The following ITGBL1 variants were observed in gnomAD, a reference collection of about 807,000 sequenced individuals.
The protein encoded by ITGBL1 is integrin beta-like protein 1.
Under a neutral mutation model 68.5 loss-of-function variants are expected in ITGBL1, and 51 were observed. That is an observed-to-expected ratio of 0.74 (90% CI 0.59 to 0.94). The LOEUF (loss-of-function observed/expected upper bound fraction) is 0.94. ITGBL1 is among the 40% of genes least tolerant of loss of function. The pLI is 0.00. For synonymous variants in ITGBL1, 209 were observed against 227.3 expected, an observed-to-expected ratio of 0.92 and a Z score of 0.72; for missense variants, 649 against 647.4, an observed-to-expected ratio of 1.00 and a Z score of -0.03.
intron 8 of ITGBL1, among the ~76,000 whole-genome samples, chr13:101,693,414 A>T (rs2033926606): frequency 6.6e-6 from 1 of 152,208 alleles, no homozygotes; most frequent in Non-Finnish European, 1.5e-5. Context: ...AAATAATTAT[A>T]TCCCTTTATT....
At chr13:101,526,923 A>T (rs558082281) in intron 2 of ITGBL1, among the ~76,000 whole-genome samples, 1 of 152,088 alleles carries the variant, frequency 6.6e-6, no homozygotes, top group Admixed American at 6.6e-5. Flanking sequence ...ACATAATGCC[A>T]TAATCACACC....
At chr13:101,540,410 A>G (rs1430653857) in intron 2 of ITGBL1, among the ~76,000 whole-genome samples, 2 of 152,054 alleles carry the variant, frequency 1.3e-5, no homozygotes, top group South Asian at 4.1e-4. Flanking sequence ...CCATTGGTCT[A>G]TATCTCTGTT....
downstream of ITGBL1, chr13:101,720,075 T>C (rs2034875251): frequency 6.6e-6 from 1 of 152,176 alleles, no homozygotes. Flanking sequence ...AAATATTTTA[T>C]TCAATATGTT....
intron 7 of ITGBL1, among the ~76,000 whole-genome samples, chr13:101,642,334 T>C (rs1191505050): frequency 6.6e-6 from 1 of 152,274 alleles, no homozygotes; most frequent in Non-Finnish European, 1.5e-5. Flanking sequence ...CATTTTTTCA[T>C]GTGCTTTTTG....
intron 2 of ITGBL1, among the ~76,000 whole-genome samples, chr13:101,455,470 C>G (rs985770588): frequency 6.6e-6 from 1 of 151,830 alleles, no homozygotes; most frequent in Non-Finnish European, 1.5e-5. Context: ...AGTTCAAGAC[C>G]AGCCTCGCCA....
intron 2 of ITGBL1, among the ~76,000 whole-genome samples, chr13:101,527,756 A>G (rs1213004704): frequency 6.6e-6 from 1 of 152,042 alleles, no homozygotes; most frequent in African/African-American, 2.4e-5. Context: ...AAATTTTACT[A>G]GTATCAAATT....
chr13:101,705,753 C>T (rs992158483), intron 8 of ITGBL1, among the ~76,000 whole-genome samples: 2 of 152,154 alleles, frequency 1.3e-5, no homozygotes, highest in Non-Finnish European at 2.9e-5. Flanking sequence ...AGCAAATGGT[C>T]AGGAGAGAAC....
chr13:101,596,080 C>T (rs1008726191), intron 6 of ITGBL1, among the ~76,000 whole-genome samples: 2 of 151,524 alleles, frequency 1.3e-5, no homozygotes, highest in Non-Finnish European at 2.9e-5. Flanking sequence ...TATATATACA[C>T]AAATACCCAG....
chr13:101,595,082 A>G (rs76505883), intron 6 of ITGBL1, among the ~76,000 whole-genome samples: 36 of 152,238 alleles, frequency 2.4e-4, no homozygotes, highest in African/African-American at 7.5e-4. Flanking sequence ...TCAAAAAAGT[A>G]AATAAATAAC....
At chr13:101,537,450 A>G (rs1055709343) in intron 2 of ITGBL1, among the ~76,000 whole-genome samples, 1 of 152,054 alleles carries the variant, frequency 6.6e-6, no homozygotes, top group Non-Finnish European at 1.5e-5. Flanking sequence ...TCAGTCATGA[A>G]GTCTGATGAT....
At chr13:101,516,056 T>C (rs1204579960) in intron 2 of ITGBL1, among the ~76,000 whole-genome samples, 1 of 152,088 alleles carries the variant, frequency 6.6e-6, no homozygotes, top group South Asian at 2.1e-4. Flanking sequence ...TCTGTTCCCC[T>C]TTTTTTATCC....
At chr13:101,551,649 C>T (rs1175419423) in intron 2 of ITGBL1, among the ~76,000 whole-genome samples, 1 of 152,156 alleles carries the variant, frequency 6.6e-6, no homozygotes, top group Admixed American at 6.5e-5. Context: ...CAAGAATTTC[C>T]TTTTCTAGAA....
chr13:101,706,661 G>T, intron 8 of ITGBL1, 95 bp from the exon 9 acceptor site: 1 of 1,259,272 alleles, frequency 7.9e-7, no homozygotes, highest in South Asian at 1.6e-5. Flanking sequence ...GATGGGAAAT[G>T]AGATCCTATG....
intron 8 of ITGBL1, among the ~76,000 whole-genome samples, chr13:101,705,162 G>A (rs1652945228): frequency 6.6e-6 from 1 of 151,800 alleles, no homozygotes; most frequent in African/African-American, 2.4e-5. Context: ...CTCCAGGGGA[G>A]CAACATATGC....
chr13:101,471,532 ATGTGTGTGTGTGTGTGTG>A (rs150659546), intron 2 of ITGBL1, among the ~76,000 whole-genome samples: 8,846 of 110,502 alleles, frequency 0.08, 443 homozygotes, highest in East Asian at 0.29. Flanking sequence ...GTGTGTATGT[ATGTGTGTGTGTGTGTGTG>A]TGTGTGTGTG....
intron 2 of ITGBL1, among the ~76,000 whole-genome samples, chr13:101,530,164 C>T (rs1461275169): frequency 6.6e-6 from 1 of 151,974 alleles, no homozygotes; most frequent in African/African-American, 2.4e-5. Flanking sequence ...ACAAGTCTTA[C>T]TTTAGTACGA....
chr13:101,452,745 G>T lies in ITGBL1; in HGVS notation c.-89G>T. ...CGTGGGTCCGTCTGCCCAGCCATCT[G>T]CTGGTGGCACCTCTCCCTCCTGCCG... On this transcript the variant is annotated 5_prime_UTR_variant, in exon 1 of 11. Transcript: ENST00000376180. 1 of 1,023,366 alleles carries T rather than the reference G, an allele frequency of 9.8e-7. No individual in the cohort carries two copies. The highest frequency in any genetic ancestry group is 1.3e-5 in the South Asian group (1 of 77,652). 63.4% of individuals were successfully genotyped at this position (1,023,366 alleles called of 1,614,324 possible).
rs146903791 is a variant in ITGBL1 at position 101,491,980 on chromosome 13, G to T, written c.316+37880G>T. ...CATGAACTCATCCTTTTTTATGGCT[G>T]CATAGTATTCCATAGTGTATATGTG... On this transcript the variant is annotated intron_variant, in intron 2 of 10. Transcript: ENST00000376180. Among the ~76,000 whole-genome samples the T allele has an allele frequency of 3.5e-3, 533 of 152,236 alleles. 1 individual carries two copies. Among genetic ancestry groups the T allele is most frequent in the Middle Eastern group, 0.014 (4 of 294 alleles).
At chr13:101,678,063 T>C (rs2033548662) in intron 7 of ITGBL1, among the ~76,000 whole-genome samples, 1 of 152,166 alleles carries the variant, frequency 6.6e-6, no homozygotes, top group Non-Finnish European at 1.5e-5. Flanking sequence ...TTATAAACTA[T>C]TTTTATTTGA....
Sources: allele counts gnomAD v4.1 joint callset (sites outside exome capture counted in the v4.1 genomes callset), GRCh38; gene constraint gnomAD v4.1.1; transcripts MANE v1.5; gene names NCBI Gene and HGNC (gene_info 2026-07-23, HGNC 2026-07-21).